PCCA: variants seen among roughly 807,000 people sequenced by gnomAD.
PCCA encodes propionyl-CoA carboxylase alpha chain, mitochondrial.
In PCCA, 74 loss-of-function variants were observed where a neutral mutation model predicts 101.3. The ratio of observed to expected loss-of-function variants is 0.73; its 90% CI spans 0.61 to 0.89. PCCA has a LOEUF of 0.89. Ranked by LOEUF, PCCA falls within the 40% of genes least tolerant of loss-of-function variation. PCCA has a pLI of 0.00. For synonymous variants in PCCA, 294 were observed against 313.6 expected, an observed-to-expected ratio of 0.94 and a Z score of 0.66; for missense variants, 891 against 907.0, an observed-to-expected ratio of 0.98 and a Z score of 0.23.
Position 100,503,790 on chromosome 13 carries a change from C to G in PCCA, c.1900-11637C>G, listed in dbSNP as rs185656712. Among the ~76,000 whole-genome samples, 400 of 152,230 alleles carry G rather than the reference C, an allele frequency of 2.6e-3. 5 individuals carry two copies. Among genetic ancestry groups the G allele is most frequent in the Admixed American group, 0.021 (326 of 15,284 alleles). ...GGGCATGGTGGCATGTGCCTATGGT[C>G]TCAGCTACTTGGGAGACTGAGGTGG... is the stretch of plus-strand genomic sequence containing the variant. On this transcript the variant is annotated intron_variant, in intron 21 of 23. Transcript: ENST00000376285.
chr13:100,294,460 T>C (rs1311637594), intron 12 of PCCA, among the ~76,000 whole-genome samples: 1 of 152,094 alleles, frequency 6.6e-6, no homozygotes, highest in Non-Finnish European at 1.5e-5. Context: ...CTTTTTTTTT[T>C]CCATGTATAC....
intron 6 of PCCA, among the ~76,000 whole-genome samples, chr13:100,200,920 C>T (rs2058443095): frequency 6.6e-6 from 1 of 152,008 alleles, no homozygotes; most frequent in Non-Finnish European, 1.5e-5. Flanking sequence ...ACTTTAACCT[C>T]TTTGTTGCCT....
At chr13:100,321,278 A>G (rs1418906210) in intron 16 of PCCA, among the ~76,000 whole-genome samples, 1 of 152,144 alleles carries the variant, frequency 6.6e-6, no homozygotes, top group Non-Finnish European at 1.5e-5. Context: ...CCCATGTTTT[A>G]TTTAGCCTGA....
chr13:100,140,282 T>C (rs2051710038), intron 4 of PCCA, among the ~76,000 whole-genome samples: 1 of 152,208 alleles, frequency 6.6e-6, no homozygotes, highest in Admixed American at 6.5e-5. Context: ...TTACCTGCCC[T>C]CTTGAGACTG....
intron 4 of PCCA, among the ~76,000 whole-genome samples, chr13:100,114,640 CA>C (rs1220683157): frequency 6.6e-6 from 1 of 151,960 alleles, no homozygotes; most frequent in African/African-American, 2.4e-5. Context: ...AGTCATTTCT[CA>C]AAAGAAGACA....
At chr13:100,449,945 C>T (rs929876275) in intron 21 of PCCA, among the ~76,000 whole-genome samples, 1 of 152,182 alleles carries the variant, frequency 6.6e-6, no homozygotes, top group Non-Finnish European at 1.5e-5. Context: ...TAGAACACAA[C>T]TTTGCATTGT....
chr13:100,176,000 G>A (rs956072170), intron 6 of PCCA, among the ~76,000 whole-genome samples: 1 of 152,198 alleles, frequency 6.6e-6, no homozygotes, highest in Admixed American at 6.5e-5. Flanking sequence ...ATGAAGCCAA[G>A]TCTGATCGTT....
intron 19 of PCCA, among the ~76,000 whole-genome samples, chr13:100,370,209 C>T (rs1264771790): frequency 3.3e-5 from 5 of 151,110 alleles, no homozygotes; most frequent in South Asian, 2.1e-4. Context: ...CTCAGCCTCC[C>T]GAGTAGCTGG....
intron 6 of PCCA, among the ~76,000 whole-genome samples, chr13:100,202,486 GT>G (rs1338702389): frequency 0.029 from 3,808 of 130,294 alleles, 143 homozygotes; most frequent in African/African-American, 0.099. Flanking sequence ...ACCTATTCCT[GT>G]TTTTTTTTTT....
chr13:100,405,244 T>C (rs2077605024), intron 19 of PCCA, among the ~76,000 whole-genome samples: 1 of 152,172 alleles, frequency 6.6e-6, no homozygotes, highest in African/African-American at 2.4e-5. Flanking sequence ...TTTATTCCCA[T>C]CCCCTGGCAG....
At chr13:100,422,616 C>A (rs1033740918) in intron 19 of PCCA, among the ~76,000 whole-genome samples, 1 of 152,182 alleles carries the variant, frequency 6.6e-6, no homozygotes, top group African/African-American at 2.4e-5. Context: ...TCCTCCATAT[C>A]TGTTGTCTTC....
At chr13:100,207,169 C>T (rs565014888) in intron 6 of PCCA, among the ~76,000 whole-genome samples, 1 of 152,074 alleles carries the variant, frequency 6.6e-6, no homozygotes, top group South Asian at 2.1e-4. Context: ...TAGTTTTCCT[C>T]CTGTACATTA....
intron 2 of PCCA, among the ~76,000 whole-genome samples, chr13:100,107,135 A>G (rs1448749220): frequency 6.6e-6 from 1 of 152,210 alleles, no homozygotes; most frequent in East Asian, 1.9e-4. Flanking sequence ...TTCTCGTTTG[A>G]ATCTGTTATT....
chr13:100,348,910 C>CTTTCTTTTCTTTTCTTTTCTTTTCT (rs201677268), intron 18 of PCCA, among the ~76,000 whole-genome samples: 1 of 51,498 alleles, frequency 1.9e-5, no homozygotes. Flanking sequence ...TCCTTCCTTC[C>CTTTCTTTTCTTTTCTTTTCTTTTCT]TTTCTTTTCT....
chr13:100,348,914 CTT>C (rs1491328152), intron 18 of PCCA, among the ~76,000 whole-genome samples: 2 of 70,902 alleles, frequency 2.8e-5, no homozygotes, highest in African/African-American at 5.3e-5. Context: ...TCCTTCCTTT[CTT>C]TTCTTTTCTT....
rs1367528753 is a variant in PCCA at position 100,268,642 on chromosome 13, T to A, written c.820-47T>A. On this transcript the variant is annotated intron_variant, in intron 10 of 23. Coordinates refer to ENST00000376285, the MANE Select transcript of PCCA (RefSeq NM_000282.4). ...GCGGAAAATATTAACCATCATCTAC[T>A]TTGTGGGTGTGGTTATATGGTTTTT... 2.3e-6 allele frequency: 3 copies of A among 1,319,368 alleles called. No homozygotes were observed. The South Asian group carries it at 3.5e-5, about 15-fold the overall frequency. The allele number at this position is 1,319,368 out of a possible 1,614,324, so 81.7% of individuals were successfully genotyped here.
chr13:100,234,647 A>G (rs2485549), intron 7 of PCCA, among the ~76,000 whole-genome samples: 150,388 of 151,858 alleles, frequency 0.99, 74,488 homozygotes, highest in Middle Eastern at 1. Flanking sequence ...AGAACTTTAA[A>G]GAAGATTTTT....
At chr13:100,506,782 AAAAGGAAGAGGG>A (rs1280755884) in intron 21 of PCCA, among the ~76,000 whole-genome samples, 13 of 152,124 alleles carry the variant, frequency 8.5e-5, no homozygotes, top group African/African-American at 3.1e-4. Context: ...TAGGAGGAGA[AAAAGGAAGAGGG>A]TTGGGCACCG....
chr13:100,447,612 C>T (rs965627482), intron 20 of PCCA, among the ~76,000 whole-genome samples: 10 of 151,734 alleles, frequency 6.6e-5, no homozygotes, highest in African/African-American at 2.4e-4. Flanking sequence ...GCAGAGGTTG[C>T]TGTGAGCCGA....
Sources: allele counts gnomAD v4.1 joint callset (sites outside exome capture counted in the v4.1 genomes callset), GRCh38; gene constraint gnomAD v4.1.1; transcripts MANE v1.5; gene names NCBI Gene and HGNC (gene_info 2026-07-23, HGNC 2026-07-21).